SLC13A3: variants seen among roughly 807,000 people sequenced by gnomAD.
SLC13A3 encodes the protein solute carrier family 13 member 3, also known as Na(+)/dicarboxylate cotransporter 3.
Under a neutral mutation model 59.0 loss-of-function variants are expected in SLC13A3, and 40 were observed. The observed-to-expected ratio is 0.68, with a 90% CI of 0.53 to 0.88. The LOEUF is 0.88. SLC13A3 is among the 40% of genes least tolerant of loss of function. The pLI is 0.00. For missense variants in SLC13A3, 699 were observed against 783.2 expected (o/e 0.89, Z 1.28); for synonymous variants, 317 against 330.3 (o/e 0.96, Z 0.44).
At chr20:46,661,429 T>C (rs1440089621) in intron 1 of SLC13A3, among the ~76,000 whole-genome samples, 2 of 152,174 alleles carry the variant, frequency 1.3e-5, no homozygotes. Flanking sequence ...GCTCCAAATG[T>C]TTTGAGGGTA....
Position 46,566,336 on chromosome 20 carries a change from G to T in SLC13A3, c.1387C>A (p.Pro463Thr), listed in dbSNP as rs754812051. ...ATGAGCAGCACAGCCAGGGCGGGGG[G>T]CACATTCTCCAGGGGGTGCAGCTGC... ...GGQLHPLENV[P>T]PALAVLLITV... Residue 463 changes from proline (P) to threonine (T), a missense_variant, in exon 11 of 13, where the codon CCC becomes ACC. Physicochemically the swap from Pro to Thr is conservative, Grantham distance 38. Coordinates refer to ENST00000279027, the MANE Select transcript of SLC13A3 (RefSeq NM_022829.6). 5 of 1,612,568 alleles carry T rather than the reference G, an allele frequency of 3.1e-6. No homozygotes were observed. The highest frequency in any genetic ancestry group is 2.7e-5 in the African/African-American group (2 of 74,982).
intron 1 of SLC13A3, among the ~76,000 whole-genome samples, chr20:46,662,521 G>A (rs890830879): frequency 2.6e-5 from 4 of 152,146 alleles, no homozygotes; most frequent in Non-Finnish European, 4.4e-5. Flanking sequence ...ATGGGTACCC[G>A]ATATAGCAGA....
intron 1 of SLC13A3, among the ~76,000 whole-genome samples, chr20:46,659,711 A>AT (rs1346415012): frequency 1.4e-4 from 17 of 124,176 alleles, no homozygotes; most frequent in Admixed American, 1.1e-3. Context: ...GTGAGACCCT[A>AT]TCCCCCCCCC....
At chr20:46,638,818 G>T (rs918941075) in intron 1 of SLC13A3, among the ~76,000 whole-genome samples, 6 of 152,106 alleles carry the variant, frequency 3.9e-5, no homozygotes, top group Admixed American at 1.3e-4. Context: ...GATTCTCTGT[G>T]GGGGGCTGTC....
upstream of SLC13A3, among the ~76,000 whole-genome samples, chr20:46,674,694 T>C: frequency 6.6e-6 from 1 of 151,722 alleles, no homozygotes; most frequent in Non-Finnish European, 1.5e-5. Flanking sequence ...TGATTTTCTT[T>C]CCAACAGGCA....
At chr20:46,668,704 A>C (rs575657438) in intron 1 of SLC13A3, among the ~76,000 whole-genome samples, 6 of 152,382 alleles carry the variant, frequency 3.9e-5, no homozygotes, top group African/African-American at 1.4e-4. Context: ...TTTTGGAAGA[A>C]GATGCCATCA....
intron 1 of SLC13A3, among the ~76,000 whole-genome samples, chr20:46,623,959 C>A (rs2062641951): frequency 6.6e-6 from 1 of 152,140 alleles, no homozygotes; most frequent in Non-Finnish European, 1.5e-5. Flanking sequence ...TGTATTTCTG[C>A]ACAATCCGTG....
intron 1 of SLC13A3, among the ~76,000 whole-genome samples, chr20:46,683,474 A>G (rs867298430): frequency 1.3e-5 from 2 of 152,148 alleles, no homozygotes; most frequent in Admixed American, 6.5e-5. Flanking sequence ...ATAATAAAAG[A>G]CTGGGGTGGG....
intron 7 of SLC13A3, among the ~76,000 whole-genome samples, chr20:46,588,749 G>C (rs1460830365): frequency 6.6e-6 from 1 of 152,118 alleles, no homozygotes; most frequent in Non-Finnish European, 1.5e-5. Flanking sequence ...TTAGTGCCAT[G>C]ACCAAAGCCA....
chr20:46,631,666 G>A (rs1342679395), intron 1 of SLC13A3, among the ~76,000 whole-genome samples: 1 of 152,034 alleles, frequency 6.6e-6, no homozygotes, highest in Admixed American at 6.6e-5. Flanking sequence ...CCAAGGTCTG[G>A]CTTTCTTATA....
chr20:46,629,306 AT>A (rs1282900079), intron 1 of SLC13A3, among the ~76,000 whole-genome samples: 1 of 152,124 alleles, frequency 6.6e-6, no homozygotes, highest in Non-Finnish European at 1.5e-5. Flanking sequence ...GCTCACTTGA[AT>A]TTTTTGCCTG....
chr20:46,566,812 A>T (rs1050359924), intron 10 of SLC13A3, among the ~76,000 whole-genome samples: 7 of 149,706 alleles, frequency 4.7e-5, no homozygotes, highest in Admixed American at 1.3e-4. Context: ...TATAATTATT[A>T]TTTAATAATA....
intron 4 of SLC13A3, among the ~76,000 whole-genome samples, chr20:46,599,571 T>C (rs995230990): frequency 4.6e-5 from 7 of 152,232 alleles, no homozygotes; most frequent in Non-Finnish European, 1.0e-4. Flanking sequence ...TTGTAAGTCA[T>C]GTAGGGTGAA....
intron 6 of SLC13A3, 96 bp downstream of exon 6, chr20:46,592,308 A>G (rs948225494): frequency 6.9e-7 from 1 of 1,444,530 alleles, no homozygotes; most frequent in African/African-American, 1.4e-5. Context: ...ACAACATGAA[A>G]TAACAATCAT....
chr20:46,663,261 T>C (rs902311075), intron 1 of SLC13A3, among the ~76,000 whole-genome samples: 2 of 152,048 alleles, frequency 1.3e-5, no homozygotes, highest in Non-Finnish European at 2.9e-5. Flanking sequence ...CTGGGCAACA[T>C]AGTGAGACCC....
In SLC13A3 at chr20:46,632,422, C is replaced by A. The variant is rs368311497; in HGVS notation, c.112-18697G>T. Among the ~76,000 whole-genome samples the A allele has an allele frequency of 7.9e-5, 12 of 151,470 alleles. No individual in the cohort carries two copies. The East Asian group carries it at 1.8e-3, about 22-fold the overall frequency. On this transcript the variant is annotated intron_variant, in intron 1 of 12. Transcript: ENST00000279027. ...TGGGAATGACGGCCTCACAGAATCA[C>A]CATGGTGGGACATTGCCTGGAAGAA...
chr20:46,650,902 TA>T (rs886133060), intron 1 of SLC13A3, among the ~76,000 whole-genome samples: 9 of 151,448 alleles, frequency 5.9e-5, no homozygotes, highest in South Asian at 2.1e-4. Flanking sequence ...CTATCTCTAT[TA>T]AAAAAAAATT....
intron 1 of SLC13A3, among the ~76,000 whole-genome samples, chr20:46,660,217 A>T (rs141158600): frequency 6.6e-6 from 1 of 152,326 alleles, no homozygotes; most frequent in East Asian, 1.9e-4. Flanking sequence ...CAGATCCAGG[A>T]TCATTTCTCT....
rs1441814083 is a variant in SLC13A3 at position 46,583,607 on chromosome 20, T to C, written c.1184A>G (p.Gln395Arg). Residue 395 changes from glutamine (Q) to arginine (R), a missense_variant, in exon 9 of 13, where the codon CAA (glutamine) becomes CGA (arginine). Gln to Arg is a conservative substitution (Grantham distance 43, BLOSUM62 1). Transcript: ENST00000279027. ...AAACCACCACTTGAGAGAGGGCCTTTGGGACGGGAAGAAGAACAAGATGGT... is the reference window on the plus strand; with the variant it reads ...AAACCACCACTTGAGAGAGGGCCTTCGGGACGGGAAGAAGAACAAGATGGT... ...IVTILFFFPS[Q>R]RPSLKWWFDF... is the part of the protein sequence containing the mutation. 3.1e-6 allele frequency: 5 copies of C among 1,612,456 alleles called. No homozygotes were observed. The highest frequency in any genetic ancestry group is 4.2e-6 in the Non-Finnish European group (5 of 1,179,606).
Sources: allele counts gnomAD v4.1 joint callset (sites outside exome capture counted in the v4.1 genomes callset), GRCh38; gene constraint gnomAD v4.1.1; transcripts MANE v1.5; gene names NCBI Gene and HGNC (gene_info 2026-07-23, HGNC 2026-07-21).